Variants in DLG2 observed in about 807,000 individuals in gnomAD.
DLG2 encodes discs large MAGUK scaffold protein 2, also known as disks large homolog 2.
Under a neutral mutation model 132.5 loss-of-function variants are expected in DLG2, and 45 were observed. That is an observed-to-expected ratio of 0.34 (90% CI 0.27 to 0.44). The LOEUF is 0.44. DLG2 is among the 20% of genes least tolerant of loss of function. DLG2 has a pLI of 1.00. For missense variants in DLG2, 1,045 were observed against 1,196.9 expected (o/e 0.87, Z 1.87); for synonymous variants, 424 against 419.6 (o/e 1.01, Z -0.13).
intron 5 of DLG2, among the ~76,000 whole-genome samples, chr11:85,131,765 T>G (rs1042519716): frequency 1.3e-5 from 2 of 152,130 alleles, no homozygotes; most frequent in African/African-American, 4.8e-5. Context: ...TATGGGGAAC[T>G]TGGTTTGTGG....
intron 11 of DLG2, among the ~76,000 whole-genome samples, chr11:84,019,487 C>T (rs895238674): frequency 3.3e-5 from 5 of 152,014 alleles, no homozygotes; most frequent in African/African-American, 9.7e-5. Flanking sequence ...AGCGAAAAGA[C>T]GTAAGGAGGA....
intron 6 of DLG2, among the ~76,000 whole-genome samples, chr11:84,894,338 C>CAATTTAAAGAGG (rs2089888676): frequency 6.6e-6 from 1 of 152,110 alleles, no homozygotes; most frequent in South Asian, 2.1e-4. Context: ...TTGTCCCTTC[C>CAATTTAAAGAGG]AACTTCTCCC....
At chr11:84,801,599 GC>G (rs2075387386) in intron 6 of DLG2, among the ~76,000 whole-genome samples, 1 of 152,092 alleles carries the variant, frequency 6.6e-6, no homozygotes, top group Admixed American at 6.6e-5. Flanking sequence ...TGCTTTTGTC[GC>G]TGGAATTACT....
intron 1 of DLG2, among the ~76,000 whole-genome samples, 151 bp downstream of exon 1, chr11:85,627,067 G>A (rs1392560360): frequency 6.6e-6 from 1 of 152,114 alleles, no homozygotes; most frequent in Non-Finnish European, 1.5e-5. Context: ...AATCTGTAGA[G>A]AAAAATGTAA....
chr11:84,362,795 T>G (rs1311368615), intron 7 of DLG2, among the ~76,000 whole-genome samples: 2 of 152,160 alleles, frequency 1.3e-5, no homozygotes, highest in Non-Finnish European at 2.9e-5. Flanking sequence ...TTACTGAGAA[T>G]GATGATTTCC....
chr11:85,476,374 C>T (rs2153083398), intron 3 of DLG2, among the ~76,000 whole-genome samples: 1 of 152,134 alleles, frequency 6.6e-6, no homozygotes, highest in East Asian at 1.9e-4. Flanking sequence ...AGACATTACT[C>T]TACACTACTG....
At chr11:84,956,756 A>G (rs984705181) in intron 6 of DLG2, among the ~76,000 whole-genome samples, 2 of 152,210 alleles carry the variant, frequency 1.3e-5, no homozygotes, top group Non-Finnish European at 2.9e-5. Context: ...TAGATTAAAA[A>G]ATGAGGGTTA....
chr11:84,937,141 A>G (rs1277965510), intron 6 of DLG2, among the ~76,000 whole-genome samples: 1 of 152,110 alleles, frequency 6.6e-6, no homozygotes, highest in Non-Finnish European at 1.5e-5. Flanking sequence ...AACAGAGCTA[A>G]ACTCCCTCTT....
intron 7 of DLG2, among the ~76,000 whole-genome samples, chr11:84,431,204 T>C (rs1180856257): frequency 2.6e-5 from 4 of 152,158 alleles, no homozygotes; most frequent in African/African-American, 9.7e-5. Context: ...GTATTACACA[T>C]AACATATATA....
At chr11:84,182,145 C>T (rs1212236663) in intron 8 of DLG2, among the ~76,000 whole-genome samples, 4 of 152,176 alleles carry the variant, frequency 2.6e-5, no homozygotes, top group Non-Finnish European at 5.9e-5. Context: ...CAAATCTTAA[C>T]AAGTTCAAAA....
At chr11:84,644,266 A>G (rs1476706622) in intron 6 of DLG2, among the ~76,000 whole-genome samples, 1 of 152,166 alleles carries the variant, frequency 6.6e-6, no homozygotes, top group Admixed American at 6.5e-5. Flanking sequence ...AGAGGCTCAT[A>G]TCTGTCTGAG....
chr11:85,023,432 G>A (rs1051868570), intron 6 of DLG2, among the ~76,000 whole-genome samples: 1 of 151,948 alleles, frequency 6.6e-6, no homozygotes, highest in Non-Finnish European at 1.5e-5. Flanking sequence ...TCCAGGGAAA[G>A]AAAAACAAGT....
intron 7 of DLG2, among the ~76,000 whole-genome samples, chr11:84,469,957 A>AAT (rs2099104440): frequency 1.3e-5 from 2 of 151,710 alleles, no homozygotes. Context: ...GAGACTATGT[A>AAT]ATATAGCCTA....
At chr11:85,296,135 A>G (rs2079189463) in intron 3 of DLG2, among the ~76,000 whole-genome samples, 1 of 152,188 alleles carries the variant, frequency 6.6e-6, no homozygotes. Flanking sequence ...GAAAATAAGC[A>G]GCAGAAGAGA....
chr11:84,122,255 G>A (rs2093959939), intron 9 of DLG2, among the ~76,000 whole-genome samples: 1 of 152,070 alleles, frequency 6.6e-6, no homozygotes. Flanking sequence ...AGGAGGCAGA[G>A]GTTACAATGA....
At chr11:85,205,497 A>C (rs756714927) in intron 4 of DLG2, among the ~76,000 whole-genome samples, 40 of 152,142 alleles carry the variant, frequency 2.6e-4, no homozygotes, top group Non-Finnish European at 5.3e-4. Context: ...TATGGTTAAC[A>C]CTCATTCATT....
At chr11:85,093,597 G>A (rs1449703917) in intron 6 of DLG2, among the ~76,000 whole-genome samples, 1 of 152,176 alleles carries the variant, frequency 6.6e-6, no homozygotes, top group Non-Finnish European at 1.5e-5. Context: ...TGGAAGGTGA[G>A]GAAGAGCAAA....
intron 6 of DLG2, among the ~76,000 whole-genome samples, chr11:84,828,867 A>T (rs892445407): frequency 2.0e-5 from 3 of 151,804 alleles, no homozygotes; most frequent in African/African-American, 7.2e-5. Context: ...GCACTGAAAG[A>T]AATGAACTCA....
At chr11:84,084,404 G>T (rs867721292) in intron 10 of DLG2, among the ~76,000 whole-genome samples, 4 of 152,174 alleles carry the variant, frequency 2.6e-5, no homozygotes, top group Admixed American at 1.3e-4. Context: ...GATAGTGGTG[G>T]GGGAGAGGGA....
Sources: gnomAD v4.1 joint callset for allele counts (sites outside exome capture counted in the v4.1 genomes callset) on GRCh38, gnomAD v4.1.1 for gene constraint, MANE v1.5 for transcripts, NCBI Gene and HGNC (gene_info 2026-07-23, HGNC 2026-07-21) for gene names.